Variants in TCF7 observed in about 807,000 individuals in gnomAD.
TCF7 encodes transcription factor 7.
A neutral mutation model predicts 46.8 loss-of-function variants in TCF7; 19 were observed. That is an observed-to-expected ratio of 0.41 (90% CI 0.28 to 0.60). The LOEUF (loss-of-function observed/expected upper bound fraction) is 0.60, where lower values mean the gene tolerates loss of function less well. Ranked by LOEUF, TCF7 falls within the 20% of genes least tolerant of loss-of-function variation. The probability of loss-of-function intolerance (pLI) is 0.35; values close to 1 mark genes in which losing one functional copy is unlikely to be tolerated. For missense variants in TCF7, 547 were observed against 504.6 expected (o/e 1.08, Z -0.81); for synonymous variants, 245 against 213.4 (o/e 1.15, Z -1.29).
Position 134,145,396 on chromosome 5 carries a change from G to C in TCF7, c.1076-828G>C, listed in dbSNP as rs1224507548. The C allele has an allele frequency of 8.9e-6, 5 of 560,742 alleles. No homozygotes were observed. In the East Asian group the frequency reaches 2.3e-4, roughly 26 times the overall value. 34.7% of individuals were successfully genotyped at this position (560,742 alleles called of 1,614,324 possible). On this transcript the variant is annotated intron_variant, in intron 9 of 9. Transcript: ENST00000342854. Reference sequence around the variant, plus strand: ...CTGATACCAAAGGGCTGGAGAGGCTGGGGGAGAGGACCCAGGGGGTACCCT... The same window carrying C: ...CTGATACCAAAGGGCTGGAGAGGCTCGGGGAGAGGACCCAGGGGGTACCCT...
At chr5:134,111,182 C>T (rs1005354633), upstream of TCF7, among the ~76,000 whole-genome samples, 10 of 152,262 alleles carry the variant, frequency 6.6e-5, no homozygotes, top group East Asian at 5.8e-4. Flanking sequence ...GTAAGTGGCA[C>T]GGCAGAGATG....
At chr5:134,124,987 G>A (rs548814896) in intron 3 of TCF7, among the ~76,000 whole-genome samples, 20 of 152,196 alleles carry the variant, frequency 1.3e-4, no homozygotes, top group Non-Finnish European at 2.4e-4. Context: ...GTGACCTCAC[G>A]CAAATCTGTG....
chr5:134,133,403 T>A (rs1561675970), intron 3 of TCF7, among the ~76,000 whole-genome samples: 2 of 152,034 alleles, frequency 1.3e-5, no homozygotes, highest in East Asian at 3.9e-4. Flanking sequence ...CTGGGCACAG[T>A]CACCATCAGG....
At chr5:134,119,376 T>C (rs1278511819) in intron 3 of TCF7, among the ~76,000 whole-genome samples, 1 of 152,184 alleles carries the variant, frequency 6.6e-6, no homozygotes, top group Non-Finnish European at 1.5e-5. Context: ...GGAGATACTT[T>C]CTGGGGTGAT....
At chr5:134,144,535 T>C (rs890857883) in intron 9 of TCF7, 4 of 479,636 alleles carry the variant, frequency 8.3e-6, no homozygotes, top group South Asian at 2.3e-5. Context: ...ATGAGCCAGA[T>C]TGACAGGACT....
At position 134,147,273 on chromosome 5, in the gene TCF7, TG is replaced by T. The variant is rs1328272908; in HGVS notation, c.*972del. The T allele has an allele frequency of 2.0e-5, 3 of 152,186 alleles. No individual in the cohort carries two copies. The highest frequency in any genetic ancestry group is 4.4e-5 in the Non-Finnish European group (3 of 68,110). The allele number at this position is 152,186 out of a possible 1,614,324, so 9.4% of individuals were successfully genotyped here. A position where few individuals can be genotyped will look rare whatever the true frequency, so the allele number is the denominator to read the frequency against. On this transcript the variant is annotated 3_prime_UTR_variant, in exon 10 of 10. Transcript: ENST00000342854. ...AGAAACCCACCAGCCTAAGAAGCTC[TG>T]GCCCCAGGCTTGTCACTAGCAGCTG...
intron 3 of TCF7, among the ~76,000 whole-genome samples, chr5:134,129,647 A>G (rs1334371356): frequency 1.3e-5 from 2 of 152,252 alleles, no homozygotes; most frequent in African/African-American, 4.8e-5. Context: ...CAAGTAAACG[A>G]ATGCATAGAA....
upstream of TCF7, among the ~76,000 whole-genome samples, chr5:134,111,023 C>T (rs1755322587): frequency 6.6e-6 from 1 of 152,236 alleles, no homozygotes; most frequent in Non-Finnish European, 1.5e-5. Flanking sequence ...ATGCACCAGG[C>T]TGCTGTTCTA....
At chr5:134,144,807 G>T (rs1213168288) in intron 9 of TCF7, 1 of 1,614,170 alleles carries the variant, frequency 6.2e-7, no homozygotes, top group Non-Finnish European at 8.5e-7. Flanking sequence ...ACCCTGGCTC[G>T]CCTAAGAAAT....
upstream of TCF7, among the ~76,000 whole-genome samples, chr5:134,110,311 AG>A (rs2149255991): frequency 6.6e-6 from 1 of 152,324 alleles, no homozygotes; most frequent in African/African-American, 2.4e-5. Flanking sequence ...ATGGAGCAGG[AG>A]GGGAGAACCC....
rs148474723 is a variant in TCF7 at position 134,130,505 on chromosome 5, C to T, written c.442-7554C>T. 3.9e-3 allele frequency among the ~76,000 whole-genome samples: 596 copies of T among 152,356 alleles called. 7 individuals carry two copies. Among genetic ancestry groups the T allele is most frequent in the African/African-American group, 0.013 (553 of 41,576 alleles). On this transcript the variant is annotated intron_variant, in intron 3 of 9. Coordinates refer to ENST00000342854, the MANE Select transcript of TCF7 (RefSeq NM_003202.5). ...CTGCACTGTGCTTCCCAAGCCACTG[C>T]CCTGGCATGGCATGGCCCAGGTGTC...
At chr5:134,138,611 C>T in intron 4 of TCF7, 1 of 295,286 alleles carries the variant, frequency 3.4e-6, no homozygotes, top group Non-Finnish European at 6.3e-6. Context: ...CCAGGCTGGG[C>T]TCCCCTAGAC....
chr5:134,143,505 C>T (rs1760201495), intron 8 of TCF7, 87 bp from the exon 9 acceptor site: 1 of 1,560,932 alleles, frequency 6.4e-7, no homozygotes, highest in Non-Finnish European at 8.8e-7. Flanking sequence ...GCCCAGAATC[C>T]CAGGGTTACC....
intron 3 of TCF7, among the ~76,000 whole-genome samples, chr5:134,120,574 T>C (rs1293974543): frequency 1.3e-5 from 2 of 152,246 alleles, no homozygotes; most frequent in East Asian, 3.9e-4. Flanking sequence ...CCAGGACTCT[T>C]GCACTGCTTC....
At chr5:134,115,702 G>A (rs1755715246) in intron 2 of TCF7, 1 of 1,430,552 alleles carries the variant, frequency 7.0e-7, no homozygotes. Flanking sequence ...CGGGGGGTGG[G>A]AGGTCAAGTA....
intron 3 of TCF7, 95 bp from the exon 4 acceptor site, chr5:134,137,962 CTT>C (rs1287817298): frequency 9.9e-5 from 107 of 1,084,076 alleles, no homozygotes; most frequent in Non-Finnish European, 1.4e-4. Flanking sequence ...TTGGCCACCA[CTT>C]TTCTTTGACA....
chr5:134,144,533 G>A (rs73790190), intron 9 of TCF7: 10,235 of 481,496 alleles, frequency 0.021, 625 homozygotes, highest in African/African-American at 0.15. Context: ...AGATGAGCCA[G>A]ATTGACAGGA....
chr5:134,132,897 C>T (rs753683047), intron 3 of TCF7, among the ~76,000 whole-genome samples: 1 of 152,114 alleles, frequency 6.6e-6, no homozygotes, highest in Admixed American at 6.5e-5. Context: ...CAAGAAGGCA[C>T]GCAGGAGCAC....
intron 1 of TCF7, 31 bp downstream of exon 1, chr5:134,115,186 C>A: frequency 1.9e-6 from 2 of 1,073,692 alleles, no homozygotes; most frequent in East Asian, 6.1e-5. Flanking sequence ...GCTCCTCCCC[C>A]GCGGTCGCCG....
Sources: gnomAD v4.1 joint callset for allele counts (sites outside exome capture counted in the v4.1 genomes callset) on GRCh38, gnomAD v4.1.1 for gene constraint, MANE v1.5 for transcripts, NCBI Gene and HGNC (gene_info 2026-07-23, HGNC 2026-07-21) for gene names.